The following KIF5A variants were observed in gnomAD, a reference collection of about 807,000 sequenced individuals.
KIF5A encodes kinesin family member 5A.
In KIF5A, 35 loss-of-function variants were observed where a neutral mutation model predicts 141.3. The ratio of observed to expected loss-of-function variants is 0.25; its 90% CI spans 0.19 to 0.33. KIF5A has a LOEUF of 0.33. Among genes scored for constraint, KIF5A ranks in the 10% least tolerant of loss-of-function variants. KIF5A has a pLI of 1.00. For synonymous variants in KIF5A, 448 were observed against 500.2 expected (o/e 0.90, Z 1.39); for missense variants, 861 against 1,314.3 (o/e 0.66, Z 5.33).
Position 57,569,416 on chromosome 12 carries a change from G to C in KIF5A, c.968+12G>C, listed in dbSNP as rs536186088. 1.4e-5 allele frequency: 23 copies of C among 1,613,824 alleles called. No homozygotes were observed. Among genetic ancestry groups the C allele is most frequent in the Admixed American group, 3.3e-5 (2 of 59,992 alleles). ...ATGTTTGGGCAGCGGTCAGTGGCAG[G>C]GTCCCCAGAGGGATCCCTGGTACCC... On this transcript the variant is annotated intron_variant, in intron 10 of 28. Transcript: ENST00000455537.
Position 57,571,383 on chromosome 12 carries a change from G to C in KIF5A, c.1356G>C (p.Gln452His). Reference protein sequence around the residue: ...IEKLKQQMLDQEELLVSTRGD... With the variant: ...IEKLKQQMLDHEELLVSTRGD... ...AGCTCAAGCAGCAAATGCTGGACCA[G>C]GAAGAGGTAATAGGAGGGAGGGCAG... The change falls in exon 13 of 29, where the codon CAG becomes CAC. Residue 452 changes from glutamine to histidine, a missense_variant. Physicochemically the swap from Gln to His is conservative, Grantham distance 24. Transcript: ENST00000455537. 1 of 1,613,812 alleles carries C rather than the reference G, an allele frequency of 6.2e-7. No individual in the cohort carries two copies.
intron 28 of KIF5A, 22 bp downstream of exon 28, chr12:57,583,237 G>C: frequency 6.9e-7 from 1 of 1,459,674 alleles, no homozygotes. Flanking sequence ...CTGCTTCCTC[G>C]GACCAGCCTC....
Position 57,576,120 on chromosome 12 carries a change from A to G in KIF5A, c.2057A>G (p.Glu686Gly). The change falls in exon 18 of 29, where the codon GAG (glutamate) becomes GGG (glycine). Residue 686 changes from glutamate to glycine, a missense_variant. Physicochemically the swap from Glu to Gly is moderately conservative, Grantham distance 98. This residue lies in a region of KIF5A where 482 missense variants were observed against 661.3 expected (regional missense o/e 0.73). Transcript: ENST00000455537. ...CATGAAGTGGCCCTGAAGGACAAGG[A>G]GCCTGACACTCAGGATGCAGATGAA... ...TVHEVALKDK[E>G]PDTQDADEVK... The G allele has an allele frequency of 6.2e-7, 1 of 1,614,200 alleles. No homozygotes were observed. The highest frequency in any genetic ancestry group is 8.5e-7 in the Non-Finnish European group (1 of 1,180,034).
Position 57,581,675 on chromosome 12 carries a change from C to A in KIF5A, c.2909+107C>A, listed in dbSNP as rs549280710. 5.1e-6 allele frequency: 7 copies of A among 1,374,844 alleles called. No individual in the cohort carries two copies. The Admixed American group carries it at 5.2e-5, about 10-fold the overall frequency. 85.2% of individuals were successfully genotyped at this position (1,374,844 alleles called of 1,614,324 possible). Reference sequence around the variant, plus strand: ...TTGTGGCTTAATTATTTTCCTAAACCCTTTCTCAACTTCATGCCTATGATT... The same window carrying A: ...TTGTGGCTTAATTATTTTCCTAAACACTTTCTCAACTTCATGCCTATGATT... On this transcript the variant is annotated intron_variant, in intron 25 of 28. Coordinates refer to ENST00000455537, the MANE Select transcript of KIF5A (RefSeq NM_004984.4).
rs1190077639 is a variant in KIF5A at position 57,550,949 on chromosome 12, G to C, written c.129+549G>C. Among the ~76,000 whole-genome samples, 2 of 152,028 alleles carry C rather than the reference G, an allele frequency of 1.3e-5. No homozygotes were observed. On this transcript the variant is annotated intron_variant, in intron 1 of 28. Coordinates refer to ENST00000455537, the MANE Select transcript of KIF5A (RefSeq NM_004984.4). This position sits in a 1 kb window ranked among gnomAD's most constrained non-coding sequence, Gnocchi z 4.6. ...TGTGTGTGTTGTGGGGAGTAGGTCTGATGCAGGGTTTACTGGGAAAGAAAT... is the reference window on the plus strand; with the variant it reads ...TGTGTGTGTTGTGGGGAGTAGGTCTCATGCAGGGTTTACTGGGAAAGAAAT...
intron 1 of KIF5A, among the ~76,000 whole-genome samples, chr12:57,555,352 C>T (rs1287145436): frequency 1.3e-5 from 2 of 152,020 alleles, no homozygotes; most frequent in Non-Finnish European, 2.9e-5. Flanking sequence ...GTTAGCCCTG[C>T]TGTACAAGGA....
At chr12:57,578,830 G>A (rs757635245) in intron 23 of KIF5A, among the ~76,000 whole-genome samples, 9 of 152,112 alleles carry the variant, frequency 5.9e-5, no homozygotes, top group Non-Finnish European at 1.0e-4. Context: ...TCAGGAAGCC[G>A]AGGCGGGCGG....
intron 1 of KIF5A, among the ~76,000 whole-genome samples, chr12:57,554,519 T>C (rs1023959311): frequency 2.0e-5 from 3 of 152,224 alleles, no homozygotes; most frequent in Admixed American, 2.0e-4. Context: ...ATCCCAAGTA[T>C]CTTCTTGCTC....
chr12:57,586,429 A>ATCC lies in KIF5A; in HGVS notation c.*2262_*2264dup, dbSNP rs1337943877. On this transcript the variant is annotated 3_prime_UTR_variant, in exon 29 of 29. Coordinates refer to ENST00000455537, the MANE Select transcript of KIF5A (RefSeq NM_004984.4). ...CCCTTCACCAGAAGCTTCACACTACATCCTCCTCCTCCTCCTGCTCCCCAC... is the reference window on the plus strand; with the variant it reads ...CCCTTCACCAGAAGCTTCACACTACATCCTCCTCCTCCTCCTCCTGCTCCCCAC... 1 of 152,276 alleles carries ATCC rather than the reference A, an allele frequency of 6.6e-6. No homozygotes were observed. Among genetic ancestry groups the ATCC allele is most frequent in the Middle Eastern group, 3.2e-3 (1 of 316 alleles). The allele number at this position is 152,276 out of a possible 1,614,324, so 9.4% of individuals were successfully genotyped here. A position where few individuals can be genotyped will look rare whatever the true frequency, so the allele number is the denominator to read the frequency against.
chr12:57,575,800 A>G, intron 17 of KIF5A, 43 bp downstream of exon 17: 1 of 1,380,620 alleles, frequency 7.2e-7, no homozygotes, highest in Non-Finnish European at 1.0e-6. Context: ...CAGGGCAGAA[A>G]AGTCAGAAAC....
Position 57,568,975 on chromosome 12 carries a change from G to A in KIF5A, c.727G>A (p.Gly243Arg). ...LAGSEKVSKTGAEGAVLDEAK... is the reference protein window; with the variant it reads ...LAGSEKVSKTRAEGAVLDEAK... ...ACTGCCCTGGTAGGTCAGCAAGACT[G>A]GAGCAGAGGGAGCCGTGCTGGACGA... The change falls in exon 9 of 29, where the codon GGA becomes AGA. Residue 243 changes from glycine (G) to arginine (R), a missense_variant. This residue lies in a region of KIF5A where 146 missense variants were observed against 353.4 expected (regional missense o/e 0.41). Transcript: ENST00000455537. The A allele has an allele frequency of 6.2e-7, 1 of 1,613,732 alleles. No individual in the cohort carries two copies. Among genetic ancestry groups the A allele is most frequent in the Non-Finnish European group, 8.5e-7 (1 of 1,179,858 alleles).
Position 57,569,358 on chromosome 12 carries a change from A to G in KIF5A, c.922A>G (p.Ser308Gly), listed in dbSNP as rs1295922331. 1.2e-6 allele frequency: 2 copies of G among 1,613,836 alleles called. No individual in the cohort carries two copies. Among genetic ancestry groups the G allele is most frequent in the East Asian group, 2.2e-5 (1 of 44,876 alleles). Reference sequence around the variant, plus strand: ...TATGTTCATCTGTTGCTCACCATCCAGTTATAATGATGCAGAGACCAAGTC... The same window carrying G: ...TATGTTCATCTGTTGCTCACCATCCGGTTATAATGATGCAGAGACCAAGTC... ...TTMFICCSPS[S>G]YNDAETKSTL... Residue 308 changes from serine (S) to glycine (G), a missense_variant, in exon 10 of 29, where the codon AGT (serine) becomes GGT (glycine). By Grantham distance (56) the Ser-to-Gly change is moderately conservative. Transcript: ENST00000455537.
Position 57,576,076 on chromosome 12 carries a change from C to T in KIF5A, c.2024-11C>T, listed in dbSNP as rs372418206. The stretch of plus-strand genomic sequence containing the variant: ...GGTTTGATGTCAGCTGTCTTCCCCT[C>T]TTTCCCTTAGAAACTGTGCATGAAG... On this transcript the variant is annotated splice_polypyrimidine_tract_variant and intron_variant, in intron 17 of 28. Coordinates refer to ENST00000455537, the MANE Select transcript of KIF5A (RefSeq NM_004984.4). 1.9e-6 allele frequency: 3 copies of T among 1,613,836 alleles called. No individual in the cohort carries two copies. The highest frequency in any genetic ancestry group is 2.5e-6 in the Non-Finnish European group (3 of 1,179,806).
chr12:57,580,675 G>GAGATGCA (rs1374724081), intron 23 of KIF5A, among the ~76,000 whole-genome samples: 1 of 152,164 alleles, frequency 6.6e-6, no homozygotes, highest in African/African-American at 2.4e-5. Flanking sequence ...CAAGAGTTCT[G>GAGATGCA]GGCTGCAGTG....
intron 1 of KIF5A, among the ~76,000 whole-genome samples, chr12:57,558,663 G>A (rs1211354938): frequency 6.6e-6 from 1 of 152,256 alleles, no homozygotes; most frequent in African/African-American, 2.4e-5. Context: ...GACAGAGCAA[G>A]ACTCTTGTCT....
chr12:57,572,736 G>A lies in KIF5A; in HGVS notation c.1716+10G>A, dbSNP rs777324142. On this transcript the variant is annotated intron_variant, in intron 15 of 28. Transcript: ENST00000455537. The surrounding 1 kb of genome is among the most constrained non-coding windows in gnomAD (Gnocchi z 4.2). Reference sequence around the variant, plus strand: ...CGGGGAGATTAAGCTGGTGAGTGGTGAGAGACAGCAGCCTTGTTCAGGCTG... The same window carrying A: ...CGGGGAGATTAAGCTGGTGAGTGGTAAGAGACAGCAGCCTTGTTCAGGCTG... 4.3e-6 allele frequency: 7 copies of A among 1,614,060 alleles called. No homozygotes were observed. The highest frequency in any genetic ancestry group is 5.9e-6 in the Non-Finnish European group (7 of 1,180,016).
intron 19 of KIF5A, 76 bp from the exon 20 acceptor site, chr12:57,576,685 T>A: frequency 9.2e-7 from 1 of 1,087,532 alleles, no homozygotes. Context: ...AAGGAAGAAG[T>A]TTGAAGAGCT....
chr12:57,567,562 A>G lies in KIF5A; in HGVS notation c.658A>G (p.Thr220Ala). The change falls in exon 8 of 29, where the codon ACG (threonine) becomes GCG (alanine). Residue 220 changes from threonine to alanine, a missense_variant. Thr to Ala is a moderately conservative substitution (Grantham distance 58, BLOSUM62 0). Around this residue, in one of 5 missense-constraint regions of KIF5A, gnomAD observed 146 missense variants for 353.4 expected, o/e 0.41. Coordinates refer to ENST00000455537, the MANE Select transcript of KIF5A (RefSeq NM_004984.4). ...LINIKQENME[T>A]EQKLSGKLYL... is the part of the protein sequence containing the mutation. ...CAACATCAAGCAGGAGAACATGGAA[A>G]CGGAGCAGAAGCTCAGTGGGAAGCT... 1 of 1,613,390 alleles carries G rather than the reference A, an allele frequency of 6.2e-7. No individual in the cohort carries two copies. The highest frequency in any genetic ancestry group is 8.5e-7 in the Non-Finnish European group (1 of 1,179,768).
At chr12:57,576,459 T>C in intron 19 of KIF5A, 81 bp downstream of exon 19, 1 of 1,079,524 alleles carries the variant, frequency 9.3e-7, no homozygotes. Context: ...CCTCTGGGTC[T>C]GATTCTTTAA....
Sources: gnomAD v4.1 joint callset for allele counts (sites outside exome capture counted in the v4.1 genomes callset) on GRCh38, gnomAD v4.1.1 for gene constraint, gnomAD v4.1.1 regional missense constraint, Gnocchi (gnomAD v3.1) non-coding constraint, MANE v1.5 for transcripts, NCBI Gene and HGNC (gene_info 2026-07-23, HGNC 2026-07-21) for gene names.